The following GULP1 variants were observed in gnomAD, a reference collection of about 807,000 sequenced individuals.
GULP1 encodes the protein GULP PTB domain containing engulfment adaptor 1, also known as PTB domain-containing engulfment adapter protein 1.
In GULP1, 19 loss-of-function variants were observed where a neutral mutation model predicts 40.9. The ratio of observed to expected loss-of-function variants is 0.46; its 90% CI spans 0.32 to 0.68. The LOEUF is 0.68. Ranked by LOEUF, GULP1 falls within the 30% of genes least tolerant of loss-of-function variation. The pLI, the probability that GULP1 is intolerant of heterozygous loss-of-function variation, is 0.03. For synonymous variants in GULP1, 119 were observed against 117.6 expected, an observed-to-expected ratio of 1.01 and a Z score of -0.08; for missense variants, 312 against 362.2, an observed-to-expected ratio of 0.86 and a Z score of 1.12.
At chr2:188,433,342 T>C (rs1015132883) in intron 2 of GULP1, among the ~76,000 whole-genome samples, 10 of 152,172 alleles carry the variant, frequency 6.6e-5, no homozygotes, top group African/African-American at 2.4e-4. Context: ...GTAGTGGAAC[T>C]GAGAAGCTCA....
At chr2:188,549,165 T>C (rs955121396) in intron 7 of GULP1, among the ~76,000 whole-genome samples, 2 of 79,848 alleles carry the variant, frequency 2.5e-5, no homozygotes, top group East Asian at 2.3e-3. Context: ...TAGGAAAGCA[T>C]TCTTTTTTTA....
chr2:188,487,814 A>G (rs1441285818), intron 4 of GULP1, among the ~76,000 whole-genome samples: 2 of 151,974 alleles, frequency 1.3e-5, no homozygotes, highest in East Asian at 1.9e-4. Context: ...TGACACGTGC[A>G]CTGTTTGCCA....
chr2:188,539,691 C>T (rs1689934564), intron 6 of GULP1, among the ~76,000 whole-genome samples: 1 of 152,050 alleles, frequency 6.6e-6, no homozygotes, highest in Non-Finnish European at 1.5e-5. Context: ...TTTGGTTTAC[C>T]ATTGTATGCA....
chr2:188,356,262 A>G (rs947101018), intron 1 of GULP1, among the ~76,000 whole-genome samples: 1 of 152,146 alleles, frequency 6.6e-6, no homozygotes, highest in Non-Finnish European at 1.5e-5. Flanking sequence ...CTGTTTGCTG[A>G]TAACGTATTC....
intron 1 of GULP1, among the ~76,000 whole-genome samples, chr2:188,366,264 A>G (rs2046769484): frequency 6.6e-6 from 1 of 152,014 alleles, no homozygotes; most frequent in South Asian, 2.1e-4. Context: ...ACACCCCATA[A>G]AAACAAAAAC....
At chr2:188,549,212 C>G (rs1692801432) in intron 7 of GULP1, among the ~76,000 whole-genome samples, 1 of 151,776 alleles carries the variant, frequency 6.6e-6, no homozygotes, top group East Asian at 1.9e-4. Context: ...TTTAGATGCT[C>G]CTTATCAAAT....
chr2:188,385,159 T>A (rs1235150278), intron 2 of GULP1, among the ~76,000 whole-genome samples: 2 of 152,178 alleles, frequency 1.3e-5, no homozygotes, highest in Non-Finnish European at 2.9e-5. Context: ...AGGACCCTAC[T>A]CCTGCAGCAA....
intron 4 of GULP1, among the ~76,000 whole-genome samples, chr2:188,514,040 A>AGT (rs1164481151): frequency 0.081 from 9,902 of 122,942 alleles, 573 homozygotes; most frequent in African/African-American, 0.15. Flanking sequence ...TCCCCTTCTG[A>AGT]GTGTGTGTGT....
At chr2:188,570,212 G>C (rs1014527621) in intron 9 of GULP1, 92 bp downstream of exon 9, 3 of 637,434 alleles carry the variant, frequency 4.7e-6, no homozygotes, top group Admixed American at 3.3e-5. Context: ...TAATACTTGG[G>C]GATCAGTAAT....
intron 1 of GULP1, among the ~76,000 whole-genome samples, chr2:188,326,565 G>C (rs751701621): frequency 3.3e-5 from 5 of 152,142 alleles, no homozygotes; most frequent in Admixed American, 2.0e-4. Flanking sequence ...GCCAATGTCT[G>C]AGCTAGTGGT....
At chr2:188,582,632 T>C in intron 9 of GULP1, 1 of 418,860 alleles carries the variant, frequency 2.4e-6, no homozygotes. Flanking sequence ...TGCCAAAATG[T>C]GCTATTTGTA....
At chr2:188,487,626 A>C (rs1445675010) in intron 4 of GULP1, among the ~76,000 whole-genome samples, 1 of 9,162 alleles carries the variant, frequency 1.1e-4, no homozygotes, top group Non-Finnish European at 7.8e-4. Context: ...TTAAAATCAA[A>C]TATAGAAATA....
intron 2 of GULP1, among the ~76,000 whole-genome samples, chr2:188,441,095 T>C (rs778990587): frequency 5.3e-5 from 8 of 152,124 alleles, no homozygotes; most frequent in Admixed American, 1.3e-4. Context: ...GTCCAATTTG[T>C]GGTGGATAAA....
At position 188,586,052 on chromosome 2, in the gene GULP1, C is replaced by A. The variant is rs577965383; in HGVS notation, c.748+1649C>A. On this transcript the variant is annotated intron_variant, in intron 10 of 11. Transcript: ENST00000409830. Reference sequence around the variant, plus strand: ...TGAATGCTTTGCTGCTTAGAAATTTCTTCTGCCAGATACCCTAAATCATCT... The same window carrying A: ...TGAATGCTTTGCTGCTTAGAAATTTATTCTGCCAGATACCCTAAATCATCT... Among the ~76,000 whole-genome samples, 331 of 152,238 alleles carry A rather than the reference C, an allele frequency of 2.2e-3. 1 individual carries two copies. Among genetic ancestry groups the A allele is most frequent in the African/African-American group, 7.4e-3 (309 of 41,540 alleles).
At chr2:188,572,978 C>A (rs970186196) in intron 9 of GULP1, among the ~76,000 whole-genome samples, 2 of 152,126 alleles carry the variant, frequency 1.3e-5, no homozygotes, top group African/African-American at 4.8e-5. Flanking sequence ...GTATTATATA[C>A]TTGAAAATTG....
chr2:188,502,700 A>G (rs1211153689), intron 4 of GULP1, among the ~76,000 whole-genome samples: 3 of 152,062 alleles, frequency 2.0e-5, no homozygotes. Flanking sequence ...TTGTGCAGTA[A>G]TTTAATTTAA....
At chr2:188,471,158 A>G (rs528075579) in intron 2 of GULP1, among the ~76,000 whole-genome samples, 1 of 152,250 alleles carries the variant, frequency 6.6e-6, no homozygotes, top group South Asian at 2.1e-4. Flanking sequence ...TTTATCTGAA[A>G]TAAATATAGC....
chr2:188,293,606 T>TCC (rs145139214), intron 1 of GULP1, among the ~76,000 whole-genome samples: 1 of 152,090 alleles, frequency 6.6e-6, no homozygotes, highest in Non-Finnish European at 1.5e-5. Context: ...CTTTCCCTTT[T>TCC]CCCCCCATAT....
At chr2:188,430,206 G>A (rs2056701923) in intron 2 of GULP1, among the ~76,000 whole-genome samples, 2 of 152,186 alleles carry the variant, frequency 1.3e-5, no homozygotes, top group African/African-American at 2.4e-5. Flanking sequence ...TTTATCCAGT[G>A]TGATAATAAA....
Sources: gnomAD v4.1 joint callset for allele counts (sites outside exome capture counted in the v4.1 genomes callset) on GRCh38, gnomAD v4.1.1 for gene constraint, MANE v1.5 for transcripts, NCBI Gene and HGNC (gene_info 2026-07-23, HGNC 2026-07-21) for gene names.